The following DLGAP2 variants were observed in gnomAD, a reference collection of about 807,000 sequenced individuals.
DLGAP2 encodes the protein disks large-associated protein 2.
A neutral mutation model predicts 100.3 loss-of-function variants in DLGAP2; 26 were observed. The ratio of observed to expected loss-of-function variants is 0.26; its 90% CI spans 0.19 to 0.36. The LOEUF (loss-of-function observed/expected upper bound fraction) is 0.36. DLGAP2 is among the 10% of genes least tolerant of loss of function. The pLI is 1.00. For synonymous variants in DLGAP2, 886 were observed against 630.1 expected (o/e 1.41, Z -6.08); for missense variants, 1,858 against 1,453.2 (o/e 1.28, Z -4.53).
At position 1,555,309 on chromosome 8, in the gene DLGAP2, C is replaced by G. The variant is rs115647032; in HGVS notation, c.1230+5626C>G. ...CATCCATCCAGTGTGAGTCCTAAAA[C>G]GCCTCCTTGAGACAAAGCGGTGACC... On this transcript the variant is annotated intron_variant, in intron 5 of 14. Transcript: ENST00000637795. 9.0e-3 allele frequency among the ~76,000 whole-genome samples: 1,370 copies of G among 152,292 alleles called. 21 individuals are homozygous for G. The highest frequency in any genetic ancestry group is 0.03 in the African/African-American group (1,258 of 41,570).
chr8:1,306,193 C>T (rs1279593914), intron 3 of DLGAP2, among the ~76,000 whole-genome samples: 2 of 151,646 alleles, frequency 1.3e-5, no homozygotes, highest in East Asian at 3.9e-4. Context: ...TGAAGATTCC[C>T]CCCCACCCAC....
At chr8:1,157,030 T>G (rs763743483) in intron 2 of DLGAP2, among the ~76,000 whole-genome samples, 1 of 151,986 alleles carries the variant, frequency 6.6e-6, no homozygotes, top group African/African-American at 2.4e-5. Flanking sequence ...GGCCCCAGGC[T>G]CTCAGTGGTA....
chr8:1,315,959 G>C (rs1279534551), intron 3 of DLGAP2, among the ~76,000 whole-genome samples: 1 of 135,764 alleles, frequency 7.4e-6, no homozygotes, highest in Non-Finnish European at 1.6e-5. Flanking sequence ...GTCTACACTC[G>C]AGAAACTTCG....
At chr8:1,231,215 TA>T (rs1481120826) in intron 2 of DLGAP2, among the ~76,000 whole-genome samples, 1 of 152,174 alleles carries the variant, frequency 6.6e-6, no homozygotes, top group Non-Finnish European at 1.5e-5. Flanking sequence ...GACATACATG[TA>T]GTCAAAAAAC....
At chr8:1,389,360 G>T (rs1020628582) in intron 3 of DLGAP2, among the ~76,000 whole-genome samples, 1 of 152,010 alleles carries the variant, frequency 6.6e-6, no homozygotes, top group Non-Finnish European at 1.5e-5. Context: ...GCAGCATCCC[G>T]GGGAAGCCAG....
At chr8:1,463,220 G>A (rs1798510132) in intron 3 of DLGAP2, among the ~76,000 whole-genome samples, 1 of 152,212 alleles carries the variant, frequency 6.6e-6, no homozygotes, top group African/African-American at 2.4e-5. Context: ...TTGCACTCCA[G>A]CCTGGGTGAC....
intron 2 of DLGAP2, among the ~76,000 whole-genome samples, chr8:1,188,877 C>T (rs1797573339): frequency 6.6e-6 from 1 of 152,230 alleles, no homozygotes; most frequent in East Asian, 1.9e-4. Context: ...AAAAGCACCT[C>T]CAAATATATA....
At chr8:1,228,905 C>T (rs978435471) in intron 2 of DLGAP2, among the ~76,000 whole-genome samples, 2 of 152,108 alleles carry the variant, frequency 1.3e-5, no homozygotes, top group African/African-American at 4.8e-5. Context: ...TTCTATTCAA[C>T]ATTGTACTGG....
At chr8:1,085,106 G>A (rs1413675799) in intron 2 of DLGAP2, among the ~76,000 whole-genome samples, 1 of 152,224 alleles carries the variant, frequency 6.6e-6, no homozygotes, top group Non-Finnish European at 1.5e-5. Flanking sequence ...GCATCTCCCT[G>A]TGATTAGTGA....
chr8:1,148,567 A>AT (rs1796645509), intron 2 of DLGAP2, among the ~76,000 whole-genome samples: 4 of 35,222 alleles, frequency 1.1e-4, no homozygotes, highest in African/African-American at 4.4e-4. Context: ...TTAATACTTC[A>AT]ATTTTTTATG....
intron 1 of DLGAP2, among the ~76,000 whole-genome samples, chr8:757,882 C>A (rs148990576): frequency 8.1e-4 from 124 of 152,266 alleles, no homozygotes; most frequent in African/African-American, 2.9e-3. Context: ...GCAGGCATTC[C>A]CAAATGCGTC....
chr8:1,548,861 G>C lies in DLGAP2; in HGVS notation c.408G>C (p.Ser136=), dbSNP rs759281883. The C allele has an allele frequency of 2.5e-6, 4 of 1,586,078 alleles. No individual in the cohort carries two copies. Among genetic ancestry groups the C allele is most frequent in the African/African-American group, 2.7e-5 (2 of 74,550 alleles). ...GCCCCGGGGGGCGCCACCGCTGCTC[G>C]CCGCGCAGCTCGGTGCACTCGGAGT... The part of the protein sequence containing the change: ...DSCPGGRHRC[S]PRSSVHSECV... The change falls in exon 5 of 15, where the codon TCG becomes TCC. Residue 136 remains serine, a synonymous_variant. Transcript: ENST00000637795.
At position 1,549,495 on chromosome 8, in the gene DLGAP2, G is replaced by A. The variant is rs1184349817; in HGVS notation, c.1042G>A (p.Asp348Asn). 1.4e-5 allele frequency: 22 copies of A among 1,613,376 alleles called. No homozygotes were observed. Among genetic ancestry groups the A allele is most frequent in the Non-Finnish European group, 1.9e-5 (22 of 1,179,846 alleles). The change falls in exon 5 of 15, where the codon GAC (aspartate) becomes AAC (asparagine). Residue 348 changes from aspartate to asparagine, a missense_variant. Asp to Asn is a conservative substitution (Grantham distance 23). Coordinates refer to ENST00000637795, the MANE Select transcript of DLGAP2 (RefSeq NM_001346810.2). Reference sequence around the variant, plus strand: ...CCTCAAGACCTCCAAGAGCAACAACGACGTCAAGTGCTCGGCCTGTGAGGG... The same window carrying A: ...CCTCAAGACCTCCAAGAGCAACAACAACGTCAAGTGCTCGGCCTGTGAGGG... ...LSLKTSKSNN[D>N]VKCSACEGLA...
intron 5 of DLGAP2, among the ~76,000 whole-genome samples, chr8:1,555,531 G>T (rs141130957): frequency 1.3e-5 from 2 of 152,332 alleles, no homozygotes; most frequent in African/African-American, 2.4e-5. Flanking sequence ...GTCACACAGG[G>T]CTTGGCAGGA....
intron 2 of DLGAP2, among the ~76,000 whole-genome samples, chr8:974,082 G>GAA (rs1162855315): frequency 3.3e-5 from 5 of 152,078 alleles, no homozygotes; most frequent in Non-Finnish European, 5.9e-5. Context: ...AAGAAAGAAA[G>GAA]AAAAGAAAAG....
intron 2 of DLGAP2, among the ~76,000 whole-genome samples, chr8:1,153,574 T>C (rs1414364189): frequency 6.6e-6 from 1 of 152,206 alleles, no homozygotes; most frequent in African/African-American, 2.4e-5. Context: ...TATCCTCTTT[T>C]TCATTAGAGT....
Position 765,568 on chromosome 8 carries a change from T to A in DLGAP2, c.18+27743T>A, listed in dbSNP as rs1821188598. The stretch of plus-strand genomic sequence containing the variant: ...TTGGGGCAGGCAAATGTCAGTCCAG[T>A]TTATATTGAAAACAGCACCCCAAAA... On this transcript the variant is annotated intron_variant, in intron 1 of 14. Coordinates refer to ENST00000637795, the MANE Select transcript of DLGAP2 (RefSeq NM_001346810.2). Among the ~76,000 whole-genome samples, 3 of 152,074 alleles carry A rather than the reference T, an allele frequency of 2.0e-5. No homozygotes were observed. In the South Asian group the frequency reaches 6.2e-4, roughly 32 times the overall value.
chr8:1,536,648 C>T (rs978194454), intron 4 of DLGAP2, among the ~76,000 whole-genome samples: 1 of 152,166 alleles, frequency 6.6e-6, no homozygotes, highest in African/African-American at 2.4e-5. Context: ...AGAAAGATGT[C>T]AAGGCCAGCC....
intron 6 of DLGAP2, among the ~76,000 whole-genome samples, chr8:1,589,263 C>T (rs983290225): frequency 3.9e-5 from 6 of 152,132 alleles, no homozygotes; most frequent in Non-Finnish European, 7.4e-5. Context: ...ACAGTTTTTC[C>T]AATAGTAACA....
Sources: allele counts gnomAD v4.1 joint callset (sites outside exome capture counted in the v4.1 genomes callset), GRCh38; gene constraint gnomAD v4.1.1; transcripts MANE v1.5; gene names NCBI Gene and HGNC (gene_info 2026-07-23, HGNC 2026-07-21).